Variants in KIF6 observed in about 807,000 individuals in gnomAD.
KIF6 encodes kinesin family member 6, also known as kinesin-like protein KIF6.
KIF6 carries 106 observed loss-of-function variants against 112.7 expected under a neutral mutation model. That is an observed-to-expected ratio of 0.94 (90% CI 0.80 to 1.11). The LOEUF is 1.11. Ranked by LOEUF, KIF6 falls within the 50% of genes least tolerant of loss-of-function variation. KIF6 has a pLI of 0.00. For synonymous variants in KIF6, 339 were observed against 339.9 expected (o/e 1.00, Z 0.03); for missense variants, 929 against 964.0 (o/e 0.96, Z 0.48).
At chr6:39,435,786 C>T (rs1051546981) in intron 13 of KIF6, among the ~76,000 whole-genome samples, 9 of 152,124 alleles carry the variant, frequency 5.9e-5, no homozygotes, top group East Asian at 1.9e-4. Context: ...GTGTTGATTT[C>T]GTATCTTTGC....
chr6:39,403,462 T>C (rs1400266264), intron 15 of KIF6, among the ~76,000 whole-genome samples: 1 of 152,170 alleles, frequency 6.6e-6, no homozygotes, highest in East Asian at 1.9e-4. Flanking sequence ...CCTTTGAGAG[T>C]CACTCATGTT....
In KIF6 at chr6:39,714,120, T is replaced by C. The variant is rs191169871; in HGVS notation, c.251+572A>G. ...GTCCCTAGGAGACTGTGAATTCCTA[T>C]TAATAAATTGGCATTCTGATTTATT... On this transcript the variant is annotated intron_variant, in intron 3 of 22. Transcript: ENST00000287152. Among the ~76,000 whole-genome samples, 253 of 152,336 alleles carry C rather than the reference T, an allele frequency of 1.7e-3. 1 individual carries two copies. Among genetic ancestry groups the C allele is most frequent in the African/African-American group, 5.6e-3 (233 of 41,582 alleles).
At chr6:39,519,174 C>T (rs58720104) in intron 13 of KIF6, among the ~76,000 whole-genome samples, 14,406 of 152,074 alleles carry the variant, frequency 0.095, 799 homozygotes, top group Middle Eastern at 0.15. Flanking sequence ...ACTTATATTT[C>T]GGCTTGTCAG....
chr6:39,694,516 C>T (rs1157993693), intron 3 of KIF6, among the ~76,000 whole-genome samples: 1 of 152,074 alleles, frequency 6.6e-6, no homozygotes, highest in Non-Finnish European at 1.5e-5. Flanking sequence ...CATTTCTGTA[C>T]ACCAATAACA....
intron 13 of KIF6, among the ~76,000 whole-genome samples, chr6:39,480,249 T>G (rs1417772908): frequency 6.6e-6 from 1 of 152,172 alleles, no homozygotes; most frequent in Non-Finnish European, 1.5e-5. Context: ...TTTCTAAGGG[T>G]TTTAATCATA....
intron 12 of KIF6, among the ~76,000 whole-genome samples, chr6:39,542,201 A>G (rs1778826131): frequency 6.6e-6 from 1 of 152,178 alleles, no homozygotes; most frequent in Non-Finnish European, 1.5e-5. Context: ...GTTCTGATGT[A>G]CATTTCATAA....
intron 15 of KIF6, among the ~76,000 whole-genome samples, chr6:39,414,504 G>A (rs1769755673): frequency 6.6e-6 from 1 of 152,186 alleles, no homozygotes; most frequent in African/African-American, 2.4e-5. Context: ...CCTTCCTATG[G>A]GCAGATGTAA....
rs376686101 is a variant in KIF6 at position 39,688,317 on chromosome 6, G to A, written c.251+26375C>T. On this transcript the variant is annotated intron_variant, in intron 3 of 22. Coordinates refer to ENST00000287152, the MANE Select transcript of KIF6 (RefSeq NM_145027.6). ...GACAGCAGATGGAGAAGGGAAGACA[G>A]GAGATCTCTTCATGGCAGGGCAAAT... Among the ~76,000 whole-genome samples, 15 of 152,254 alleles carry A rather than the reference G, an allele frequency of 9.9e-5. No homozygotes were observed. The East Asian group carries it at 2.9e-3, about 29-fold the overall frequency.
chr6:39,648,168 C>A lies in KIF6; in HGVS notation c.252-8411G>T, dbSNP rs981778576. The stretch of plus-strand genomic sequence containing the variant: ...CCTCCCGAGTAGCTGGGACTACAGG[C>A]AACTGCCACCATGCCTGGCTAATTT... On this transcript the variant is annotated intron_variant, in intron 3 of 22. Coordinates refer to ENST00000287152, the MANE Select transcript of KIF6 (RefSeq NM_145027.6). 1.0e-3 allele frequency among the ~76,000 whole-genome samples: 142 copies of A among 137,624 alleles called. 2 individuals are homozygous for A. The Admixed American group carries it at 0.012, about 11-fold the overall frequency. The allele number at this position is 137,624 out of a possible 152,430, so 90.3% of individuals were successfully genotyped here. A position where few individuals can be genotyped will look rare whatever the true frequency, so the allele number is the denominator to read the frequency against.
chr6:39,707,060 T>C (rs1414362416), intron 3 of KIF6, among the ~76,000 whole-genome samples: 1 of 152,202 alleles, frequency 6.6e-6, no homozygotes, highest in African/African-American at 2.4e-5. Flanking sequence ...TGCATAACTG[T>C]AGTACATTTT....
chr6:39,530,076 T>C (rs550807147), intron 13 of KIF6, among the ~76,000 whole-genome samples: 1 of 152,330 alleles, frequency 6.6e-6, no homozygotes, highest in South Asian at 2.1e-4. Context: ...ACTGTTTAAA[T>C]GTAAGCTCCC....
chr6:39,448,816 C>T (rs1256082971), intron 13 of KIF6, among the ~76,000 whole-genome samples: 1 of 152,204 alleles, frequency 6.6e-6, no homozygotes, highest in Non-Finnish European at 1.5e-5. Context: ...CAGGCCACTC[C>T]ACTGGGAATC....
At position 39,634,510 on chromosome 6, in the gene KIF6, T is replaced by C. The variant is rs11964770; in HGVS notation, c.509+339A>G. ...CCTTCTTCTCAGAAAGAGGCCACAA[T>C]TAGAAGAGCAACAGGGTTTCATGTG... On this transcript the variant is annotated intron_variant, in intron 5 of 22. Transcript: ENST00000287152. 2.0e-3 allele frequency among the ~76,000 whole-genome samples: 298 copies of C among 152,216 alleles called. 1 individual carries two copies. Among genetic ancestry groups the C allele is most frequent in the African/African-American group, 6.2e-3 (259 of 41,548 alleles).
intron 3 of KIF6, among the ~76,000 whole-genome samples, chr6:39,700,861 T>C (rs1226937469): frequency 1.3e-5 from 2 of 152,068 alleles, no homozygotes; most frequent in Non-Finnish European, 2.9e-5. Context: ...TACAGGCACA[T>C]GCCACCACAC....
intron 13 of KIF6, among the ~76,000 whole-genome samples, chr6:39,515,722 A>G (rs1280758204): frequency 6.6e-6 from 1 of 152,166 alleles, no homozygotes; most frequent in Non-Finnish European, 1.5e-5. Context: ...AAAAGCTGCC[A>G]GGGGTCCCTT....
At position 39,343,776 on chromosome 6, in the gene KIF6, T is replaced by G. The variant is rs1237524008; in HGVS notation, c.2361A>C (p.Gly787=). ...TGATGTCCGAGTCCGTCTGGCTGTC[T>G]CCGGTGAGAGGGATGGACGACACTG... ...KRPVSSIPLT[G]DSQTDSDIIA... is the part of the protein sequence containing the mutation. Residue 787 remains glycine, a synonymous_variant, in exon 22 of 23, where the codon GGA becomes GGC. Transcript: ENST00000287152. This position sits in a 1 kb window ranked among gnomAD's most constrained non-coding sequence, Gnocchi z 4.1. The G allele has an allele frequency of 1.2e-6, 2 of 1,612,696 alleles. No individual in the cohort carries two copies. Among genetic ancestry groups the G allele is most frequent in the African/African-American group, 1.3e-5 (1 of 74,884 alleles).
chr6:39,490,807 GA>G (rs202003272), intron 13 of KIF6, among the ~76,000 whole-genome samples: 3,141 of 152,178 alleles, frequency 0.021, 52 homozygotes, highest in Non-Finnish European at 0.029. Context: ...CTTCATCTGA[GA>G]AGATTCTGAC....
At chr6:39,576,817 T>C (rs1302088486) in intron 10 of KIF6, among the ~76,000 whole-genome samples, 3 of 152,244 alleles carry the variant, frequency 2.0e-5, no homozygotes, top group African/African-American at 7.2e-5. Context: ...AACTGTCTCC[T>C]GGCAGTCAAT....
intron 5 of KIF6, among the ~76,000 whole-genome samples, chr6:39,632,100 A>G (rs1459671344): frequency 1.3e-5 from 2 of 152,168 alleles, no homozygotes; most frequent in Non-Finnish European, 2.9e-5. Flanking sequence ...GTGCCCTGAC[A>G]TAATATATAC....
Sources: gnomAD v4.1 joint callset for allele counts (sites outside exome capture counted in the v4.1 genomes callset) on GRCh38, gnomAD v4.1.1 for gene constraint, Gnocchi (gnomAD v3.1) non-coding constraint, MANE v1.5 for transcripts, NCBI Gene and HGNC (gene_info 2026-07-23, HGNC 2026-07-21) for gene names.